Variants in LRRC7 observed in about 807,000 individuals in gnomAD.
LRRC7 encodes the protein leucine rich repeat containing 7, also known as leucine-rich repeat-containing protein 7.
A neutral mutation model predicts 175.7 loss-of-function variants in LRRC7; 23 were observed. The observed-to-expected ratio is 0.13, with a 90% CI of 0.09 to 0.19. The LOEUF (loss-of-function observed/expected upper bound fraction) is 0.19. LRRC7 is among the 10% of genes least tolerant of loss of function. LRRC7 has a pLI of 1.00. For missense variants in LRRC7, 1,354 were observed against 1,904.7 expected (o/e 0.71, Z 5.38); for synonymous variants, 685 against 680.9 (o/e 1.01, Z -0.09).
At chr1:69,986,138 G>A (rs1214067048) in intron 9 of LRRC7, 104 bp from the exon 10 acceptor site, 5 of 1,013,114 alleles carry the variant, frequency 4.9e-6, no homozygotes, top group Non-Finnish European at 5.7e-6. Context: ...TGTTATTGTT[G>A]TGGTTGCTTT....
intron 1 of LRRC7, among the ~76,000 whole-genome samples, chr1:69,573,940 A>C (rs7553403): frequency 0.13 from 19,801 of 152,130 alleles, 3,009 homozygotes; most frequent in African/African-American, 0.37. Context: ...ATTCATTTAT[A>C]GGCTTCTTAA....
At position 70,039,422 on chromosome 1, in the gene LRRC7, G is replaced by A; in HGVS notation, c.3598G>A (p.Glu1200Lys). 2.5e-6 allele frequency: 4 copies of A among 1,614,134 alleles called. No homozygotes were observed. Among genetic ancestry groups the A allele is most frequent in the Non-Finnish European group, 3.4e-6 (4 of 1,180,012 alleles). Residue 1200 changes from glutamate to lysine, a missense_variant, in exon 21 of 27, where the codon GAG becomes AAG. This residue lies in a region of LRRC7 where 1,032 missense variants were observed against 1,227.2 expected (regional missense o/e 0.84). Transcript: ENST00000651989. ...LDRQSSVTVT[E>K]SQFLKRNGRY... ...TCGCCAAAGCAGCGTTACAGTGACT[G>A]AGTCCCAGTTCCTGAAAAGGAATGG...
In LRRC7 at chr1:69,975,910, C is replaced by G. The variant is rs908852430; in HGVS notation, c.712-4469C>G. Among the ~76,000 whole-genome samples, 3 of 151,698 alleles carry G rather than the reference C, an allele frequency of 2.0e-5. No individual in the cohort carries two copies. The South Asian group carries it at 6.2e-4, about 32-fold the overall frequency. ...ATTTACTCAGTTTTTTTTTTTGTAC[C>G]ATCTTATCTATCTTTAACCTGTTCC... On this transcript the variant is annotated intron_variant, in intron 8 of 26. Transcript: ENST00000651989.
intron 1 of LRRC7, among the ~76,000 whole-genome samples, chr1:69,590,300 G>A (rs1646580812): frequency 6.6e-6 from 1 of 152,094 alleles, no homozygotes; most frequent in African/African-American, 2.4e-5. Flanking sequence ...ATAAACTGGG[G>A]CTAATAATGT....
chr1:69,767,432 A>AT (rs1459511831), intron 3 of LRRC7, among the ~76,000 whole-genome samples: 2 of 151,984 alleles, frequency 1.3e-5, no homozygotes, highest in Non-Finnish European at 2.9e-5. Flanking sequence ...TTCCTCCAGT[A>AT]TTTAGGGTTT....
intron 2 of LRRC7, among the ~76,000 whole-genome samples, chr1:69,723,730 G>A (rs1005361372): frequency 6.6e-6 from 1 of 152,086 alleles, no homozygotes; most frequent in African/African-American, 2.4e-5. Context: ...AGGCTGAGAA[G>A]TTCAAGATCA....
chr1:69,861,666 T>A (rs1464750058), intron 7 of LRRC7, among the ~76,000 whole-genome samples: 1 of 152,198 alleles, frequency 6.6e-6, no homozygotes, highest in East Asian at 1.9e-4. Context: ...GAATAAAGTG[T>A]TAAGCTGGGC....
At chr1:69,913,062 TA>T (rs1283350969) in intron 7 of LRRC7, among the ~76,000 whole-genome samples, 2 of 152,152 alleles carry the variant, frequency 1.3e-5, no homozygotes, top group African/African-American at 4.8e-5. Context: ...GTTGAATATC[TA>T]AAAGGAAAAA....
rs150451891 is a variant in LRRC7, at chr1:69,908,131, G to T, written c.648-23376G>T. 4.0e-5 allele frequency among the ~76,000 whole-genome samples: 6 copies of T among 151,872 alleles called. 1 individual carries two copies. Among genetic ancestry groups the T allele is most frequent in the South Asian group, 4.1e-4 (2 of 4,826 alleles). On this transcript the variant is annotated intron_variant, in intron 7 of 26. Coordinates refer to ENST00000651989, the MANE Select transcript of LRRC7 (RefSeq NM_001370785.2). ...TATCGCCTTTATCATTTTTTATTGCGTCTATTTCATTCTTCTCTCTTTTTT... is the reference window on the plus strand; with the variant it reads ...TATCGCCTTTATCATTTTTTATTGCTTCTATTTCATTCTTCTCTCTTTTTT...
chr1:70,099,788 A>G (rs7531630), intron 25 of LRRC7, among the ~76,000 whole-genome samples: 23,231 of 152,068 alleles, frequency 0.15, 2,832 homozygotes, highest in African/African-American at 0.33. Flanking sequence ...AAGCTGAGAG[A>G]AAAAGCCATT....
intron 7 of LRRC7, among the ~76,000 whole-genome samples, chr1:69,902,146 G>A (rs1193565069): frequency 2.0e-5 from 3 of 152,160 alleles, no homozygotes; most frequent in African/African-American, 7.2e-5. Context: ...CCATTAGGTT[G>A]TGAGGACCTG....
intron 1 of LRRC7, among the ~76,000 whole-genome samples, chr1:69,672,922 G>A (rs1659284657): frequency 6.6e-6 from 1 of 152,162 alleles, no homozygotes; most frequent in Admixed American, 6.5e-5. Context: ...AACTTGGCAA[G>A]CCTTTGATTG....
intron 7 of LRRC7, among the ~76,000 whole-genome samples, chr1:69,889,766 C>T (rs1336741114): frequency 6.6e-6 from 1 of 152,068 alleles, no homozygotes; most frequent in Admixed American, 6.5e-5. Context: ...AAGACTGTGC[C>T]ACTCACTCCA....
rs544780475 is a variant in LRRC7 at position 69,715,164 on chromosome 1, A to G, written c.100+36686A>G. ...CCTTTTTTAAATTTTTAATAGAACC[A>G]TTGCACTAAGTAATAATGATAATCA... On this transcript the variant is annotated intron_variant, in intron 2 of 26. Coordinates refer to ENST00000651989, the MANE Select transcript of LRRC7 (RefSeq NM_001370785.2). Among the ~76,000 whole-genome samples the G allele has an allele frequency of 7.9e-5, 12 of 152,174 alleles. No homozygotes were observed. In the East Asian group the frequency reaches 1.5e-3, roughly 20 times the overall value.
At chr1:69,734,912 T>C (rs541307705) in intron 2 of LRRC7, among the ~76,000 whole-genome samples, 1 of 151,814 alleles carries the variant, frequency 6.6e-6, no homozygotes, top group Non-Finnish European at 1.5e-5. Context: ...CAATATACAA[T>C]AAACATGAGA....
rs377595612 is a variant in LRRC7, at chr1:69,845,977, T to C, written c.647+7694T>C. On this transcript the variant is annotated intron_variant, in intron 7 of 26. Transcript: ENST00000651989. The stretch of plus-strand genomic sequence containing the variant: ...GATTATCTTTATCAAAACCCTCAGT[T>C]TGACAAGCTAACTAACCAAGGGAAA... Among the ~76,000 whole-genome samples the C allele has an allele frequency of 2.2e-4, 33 of 152,246 alleles. No homozygotes were observed. In the South Asian group the frequency reaches 6.2e-3, roughly 29 times the overall value.
At chr1:69,808,036 C>A (rs748000913) in intron 4 of LRRC7, among the ~76,000 whole-genome samples, 1 of 151,396 alleles carries the variant, frequency 6.6e-6, no homozygotes, top group Non-Finnish European at 1.5e-5. Flanking sequence ...TCATGATTTA[C>A]TTCATTAAGT....
At chr1:69,827,830 C>A (rs940885276) in intron 5 of LRRC7, among the ~76,000 whole-genome samples, 1 of 151,922 alleles carries the variant, frequency 6.6e-6, no homozygotes, top group African/African-American at 2.4e-5. Context: ...CAGAGTGAGA[C>A]CCTGTCTCAA....
At chr1:69,906,024 G>T (rs1393034083) in intron 7 of LRRC7, among the ~76,000 whole-genome samples, 4 of 152,292 alleles carry the variant, frequency 2.6e-5, no homozygotes, top group African/African-American at 4.8e-5. Context: ...GCGAGCATTT[G>T]TTCATGTGTT....
Sources: allele counts gnomAD v4.1 joint callset (sites outside exome capture counted in the v4.1 genomes callset), GRCh38; gene constraint gnomAD v4.1.1; regional missense constraint gnomAD v4.1.1; transcripts MANE v1.5; gene names NCBI Gene and HGNC (gene_info 2026-07-23, HGNC 2026-07-21).